C13orf42: variants seen among roughly 807,000 people sequenced by gnomAD.
C13orf42 encodes the protein chromosome 13 open reading frame 42, also known as uncharacterized protein C13orf42.
chr13:51,164,537 A>G (rs1953890689), intron 1 of C13orf42, among the ~76,000 whole-genome samples: 1 of 152,146 alleles, frequency 6.6e-6, no homozygotes, highest in African/African-American at 2.4e-5. Context: ...GCACACGCCT[A>G]TAGTCCTAGC....
chr13:51,125,426 T>C (rs1233974488), intron 1 of C13orf42, among the ~76,000 whole-genome samples: 1 of 152,140 alleles, frequency 6.6e-6, no homozygotes, highest in Non-Finnish European at 1.5e-5. Context: ...ATTATGCTTG[T>C]CGAGAATGTA....
chr13:51,162,187 C>T (rs1006741101), intron 1 of C13orf42: 1 of 220,358 alleles, frequency 4.5e-6, no homozygotes, highest in African/African-American at 2.3e-5. Context: ...CACAAATAAT[C>T]ATTCTGTATT....
chr13:51,111,948 T>C (rs985523766), upstream of C13orf42, among the ~76,000 whole-genome samples: 4 of 152,198 alleles, frequency 2.6e-5, no homozygotes, highest in Non-Finnish European at 5.9e-5. Context: ...AGGATTCAGA[T>C]ATCCGGACCA....
chr13:51,108,760 A>G (rs1272254194), intron 1 of C13orf42, among the ~76,000 whole-genome samples: 1 of 152,228 alleles, frequency 6.6e-6, no homozygotes. Flanking sequence ...CAGAACTAAA[A>G]TTCAAATCTT....
At chr13:51,148,458 G>A (rs1270705529) in intron 1 of C13orf42, among the ~76,000 whole-genome samples, 1 of 152,234 alleles carries the variant, frequency 6.6e-6, no homozygotes, top group Non-Finnish European at 1.5e-5. Context: ...AGAGAACAAT[G>A]GTGGTGGCAG....
chr13:51,092,539 T>A (rs1173182735), intron 1 of C13orf42, among the ~76,000 whole-genome samples: 2 of 152,118 alleles, frequency 1.3e-5, no homozygotes, highest in African/African-American at 4.8e-5. Context: ...TCACATTTGC[T>A]TATTCCAAAC....
At chr13:51,157,012 T>C (rs1257264788) in intron 1 of C13orf42, among the ~76,000 whole-genome samples, 4 of 152,366 alleles carry the variant, frequency 2.6e-5, no homozygotes, top group South Asian at 4.1e-4. Context: ...TTCTCCTTAA[T>C]TGAAGTAGAG....
intron 1 of C13orf42, among the ~76,000 whole-genome samples, chr13:51,125,381 T>C (rs796785486): frequency 1.3e-5 from 2 of 152,224 alleles, no homozygotes; most frequent in Non-Finnish European, 2.9e-5. Context: ...CATCAAATAT[T>C]GGTGCCTGGT....
intron 2 of C13orf42, among the ~76,000 whole-genome samples, chr13:51,086,665 G>A (rs1415882562): frequency 6.6e-6 from 1 of 152,048 alleles, no homozygotes; most frequent in African/African-American, 2.4e-5. Flanking sequence ...GAGAAAAGTG[G>A]TCATTTCATG....
At chr13:51,111,612 G>A (rs1015159743), upstream of C13orf42, among the ~76,000 whole-genome samples, 1 of 152,140 alleles carries the variant, frequency 6.6e-6, no homozygotes, top group African/African-American at 2.4e-5. Flanking sequence ...CGCTGGCCAT[G>A]GTCTCACTCA....
At chr13:51,160,606 A>C (rs1407567802) in intron 1 of C13orf42, among the ~76,000 whole-genome samples, 2 of 152,236 alleles carry the variant, frequency 1.3e-5, no homozygotes, top group African/African-American at 4.8e-5. Flanking sequence ...CCCTCATTGA[A>C]AACAAATGAG....
At chr13:51,121,729 G>A (rs2138014283) in intron 1 of C13orf42, among the ~76,000 whole-genome samples, 1 of 152,122 alleles carries the variant, frequency 6.6e-6, no homozygotes, top group Admixed American at 6.5e-5. Context: ...TAGAGACGGG[G>A]TTTCACCATG....
intron 1 of C13orf42, among the ~76,000 whole-genome samples, chr13:51,149,677 T>C (rs1384889296): frequency 6.6e-6 from 1 of 152,228 alleles, no homozygotes; most frequent in Non-Finnish European, 1.5e-5. Context: ...GAAGCCACTA[T>C]GAGCCAAAGG....
chr13:51,120,433 G>A (rs1480101892), intron 1 of C13orf42, among the ~76,000 whole-genome samples: 1 of 152,176 alleles, frequency 6.6e-6, no homozygotes, highest in Non-Finnish European at 1.5e-5. Flanking sequence ...GAATGCTCTT[G>A]CTCCCTGCTG....
chr13:51,137,385 G>C (rs1470878064), intron 1 of C13orf42, among the ~76,000 whole-genome samples: 1 of 152,152 alleles, frequency 6.6e-6, no homozygotes, highest in Non-Finnish European at 1.5e-5. Context: ...TCTGTCTGTG[G>C]GTTCCCAGGT....
At chr13:51,125,489 T>C (rs1953569482) in intron 1 of C13orf42, among the ~76,000 whole-genome samples, 1 of 152,166 alleles carries the variant, frequency 6.6e-6, no homozygotes, top group African/African-American at 2.4e-5. Context: ...GGCTGGCCCT[T>C]TCAATGCTGT....
chr13:51,115,443 G>A (rs17075348), upstream of C13orf42, among the ~76,000 whole-genome samples: 5,878 of 152,234 alleles, frequency 0.039, 189 homozygotes, highest in African/African-American at 0.085. Flanking sequence ...AGTTGGGGAC[G>A]TTGCCTCGTA....
At chr13:51,084,458 C>A in intron 3 of C13orf42, 133 bp from the exon 4 acceptor site, 1 of 396,348 alleles carries the variant, frequency 2.5e-6, no homozygotes, top group Non-Finnish European at 4.4e-6. Context: ...TGGGGAGGAC[C>A]AAATGGTGTC....
Position 51,085,555 on chromosome 13 carries a change from G to A in C13orf42, c.567C>T (p.Ala189=). The A allele has an allele frequency of 5.0e-6, 2 of 398,924 alleles. No homozygotes were observed. Among genetic ancestry groups the A allele is most frequent in the Admixed American group, 4.4e-5 (1 of 22,748 alleles). The allele number at this position is 398,924 out of a possible 1,614,324, so 24.7% of individuals were successfully genotyped here. A position where few individuals can be genotyped will look rare whatever the true frequency, so the allele number is the denominator to read the frequency against. The change falls in exon 3 of 4, where the codon GCC becomes GCT. Residue 189 remains alanine (A), a synonymous_variant. Coordinates refer to ENST00000563710, the MANE Select transcript of C13orf42 (RefSeq NM_001351589.3). Reference sequence around the variant, plus strand: ...GCAAGCTGTGCTCCCTGGAGCTGGTGGCCACTAGAAGAGAAAAGCATGTGA... The same window carrying A: ...GCAAGCTGTGCTCCCTGGAGCTGGTAGCCACTAGAAGAGAAAAGCATGTGA... ...LPNEDVDFDV[A]TSSREHSLHS... is the part of the protein sequence containing the mutation.
Sources: gnomAD v4.1 joint callset for allele counts (sites outside exome capture counted in the v4.1 genomes callset) on GRCh38, gnomAD v4.1.1 for gene constraint, MANE v1.5 for transcripts, NCBI Gene and HGNC (gene_info 2026-07-23, HGNC 2026-07-21) for gene names.